Variants in RPS6KA3 observed in about 807,000 individuals in gnomAD.
The protein encoded by RPS6KA3 is ribosomal protein S6 kinase alpha-3.
RPS6KA3 carries 4 observed loss-of-function variants against 67.2 expected under a neutral mutation model. The ratio of observed to expected loss-of-function variants is 0.06; its 90% CI spans 0.03 to 0.14. The LOEUF (loss-of-function observed/expected upper bound fraction) is 0.14, where lower values mean the gene tolerates loss of function less well. RPS6KA3 is among the 10% of genes least tolerant of loss of function. The pLI, the probability that RPS6KA3 is intolerant of heterozygous loss-of-function variation, is 1.00. For synonymous variants in RPS6KA3, 182 were observed against 183.7 expected (o/e 0.99, Z 0.07); for missense variants, 204 against 559.0 (o/e 0.36, Z 6.40).
chrX:20,223,544 T>C (rs964597468), intron 2 of RPS6KA3, among the ~76,000 whole-genome samples: 1 of 112,161 alleles, frequency 8.9e-6, no homozygotes, highest in Non-Finnish European at 1.9e-5. Context: ...TGGTATACTG[T>C]TACACTTAGT....
At chrX:20,252,076 T>C (rs2069888797) in intron 1 of RPS6KA3, among the ~76,000 whole-genome samples, 1 of 112,429 alleles carries the variant, frequency 8.9e-6, no homozygotes, top group East Asian at 2.8e-4. Context: ...TTTCCTATCA[T>C]CTCCATTCTT....
chrX:20,160,974 T>A (rs967169305), intron 20 of RPS6KA3, among the ~76,000 whole-genome samples: 2 of 111,537 alleles, frequency 1.8e-5, no homozygotes, highest in South Asian at 3.7e-4. Flanking sequence ...ATTTTTTTTT[T>A]AAAGAATTCT....
At chrX:20,265,794 G>A (rs2070361255) in intron 1 of RPS6KA3, 1 of 110,298 alleles carries the variant, frequency 9.1e-6, no homozygotes, top group Non-Finnish European at 1.9e-5. Flanking sequence ...TTGGGCACTA[G>A]GATGGGTGAC....
At chrX:20,234,683 G>T in intron 2 of RPS6KA3, 75 bp downstream of exon 2, 2 of 734,784 alleles carry the variant, frequency 2.7e-6, no homozygotes, top group Non-Finnish European at 4.3e-6. Context: ...TGATTACTCT[G>T]CTCAGCTGAA....
At chrX:20,189,244 A>G (rs2068064577) in intron 7 of RPS6KA3, among the ~76,000 whole-genome samples, 1 of 111,601 alleles carries the variant, frequency 9.0e-6, no homozygotes, top group African/African-American at 3.3e-5. Context: ...TTCCCCAATA[A>G]ACTGTGAGCT....
intron 10 of RPS6KA3, among the ~76,000 whole-genome samples, chrX:20,179,642 C>G (rs1569208310): frequency 9.0e-6 from 1 of 111,122 alleles, no homozygotes; most frequent in Non-Finnish European, 1.9e-5. Context: ...GTAACTAGGG[C>G]TCTGACATTA....
chrX:20,215,967 GC>G (rs2068839062), intron 2 of RPS6KA3, among the ~76,000 whole-genome samples: 1 of 104,481 alleles, frequency 9.6e-6, no homozygotes, highest in African/African-American at 3.7e-5. Context: ...TGGTAAAGCA[GC>G]TATATTAATA....
At chrX:20,188,077 G>T (rs1325230698) in intron 8 of RPS6KA3, 107 bp from the exon 9 acceptor site, 18 of 764,976 alleles carry the variant, frequency 2.4e-5, no homozygotes, top group Admixed American at 2.0e-4. Flanking sequence ...AGTTTTTTTT[G>T]TTTGTTTGTT....
intron 1 of RPS6KA3, among the ~76,000 whole-genome samples, chrX:20,260,321 T>C (rs2070190311): frequency 8.9e-6 from 1 of 112,029 alleles, no homozygotes; most frequent in Admixed American, 9.4e-5. Flanking sequence ...ACTATTATTT[T>C]ATATATTGTT....
At chrX:20,188,364 C>T in intron 8 of RPS6KA3, 133 bp downstream of exon 8, 1 of 435,103 alleles carries the variant, frequency 2.3e-6, no homozygotes. Flanking sequence ...GGGTGAGCCA[C>T]TACGCCTGGC....
At chrX:20,193,794 T>C (rs1310379469) in intron 6 of RPS6KA3, among the ~76,000 whole-genome samples, 1 of 112,405 alleles carries the variant, frequency 8.9e-6, no homozygotes, top group Non-Finnish European at 1.9e-5. Flanking sequence ...AACTATGCAC[T>C]ATGGGAGAAA....
intron 1 of RPS6KA3, among the ~76,000 whole-genome samples, chrX:20,263,158 C>G (rs2070280276): frequency 9.0e-6 from 1 of 111,413 alleles, no homozygotes; most frequent in Non-Finnish European, 1.9e-5. Context: ...CAAAAATAAC[C>G]TCCATAATTT....
Position 20,155,291 on chromosome X carries a change from G to A in RPS6KA3, c.*107C>T. 1 of 897,854 alleles carries A rather than the reference G, an allele frequency of 1.1e-6. No homozygotes were observed. The highest frequency in any genetic ancestry group is 1.6e-6 in the Non-Finnish European group (1 of 610,325). The allele number at this position is 897,854 out of a possible 1,213,427, so 74.0% of individuals were successfully genotyped here. On this transcript the variant is annotated 3_prime_UTR_variant, in exon 22 of 22. Coordinates refer to ENST00000379565, the MANE Select transcript of RPS6KA3 (RefSeq NM_004586.3). ...AGGAACAGCAGCATTATGGGTACCA[G>A]CTGGGACAGTGTGTGCTTGCAGGTG...
At chrX:20,250,060 G>A (rs2069820382) in intron 1 of RPS6KA3, among the ~76,000 whole-genome samples, 1 of 112,291 alleles carries the variant, frequency 8.9e-6, no homozygotes, top group Non-Finnish European at 1.9e-5. Context: ...AAAATCAGTT[G>A]GCTGTACTTA....
At chrX:20,256,897 A>G (rs2070085773) in intron 1 of RPS6KA3, among the ~76,000 whole-genome samples, 1 of 111,646 alleles carries the variant, frequency 9.0e-6, no homozygotes, top group Non-Finnish European at 1.9e-5. Context: ...CACAATAGCT[A>G]CCCATGTAAA....
chrX:20,238,992 T>C (rs760259926), intron 1 of RPS6KA3, among the ~76,000 whole-genome samples: 1 of 111,629 alleles, frequency 9.0e-6, no homozygotes, highest in Non-Finnish European at 1.9e-5. Flanking sequence ...GTTTCCTAAG[T>C]TTAAGGAATA....
chrX:20,241,320 G>T (rs1319711253), intron 1 of RPS6KA3, among the ~76,000 whole-genome samples: 1 of 108,352 alleles, frequency 9.2e-6, no homozygotes, highest in Non-Finnish European at 1.9e-5. Context: ...TAAGAATAAA[G>T]AAATGAAAAC....
chrX:20,177,656 A>C (rs1488402323), intron 10 of RPS6KA3, among the ~76,000 whole-genome samples: 1 of 112,427 alleles, frequency 8.9e-6, no homozygotes, highest in Non-Finnish European at 1.9e-5. Flanking sequence ...GGGAAAGCCA[A>C]TTATTCTGGG....
intron 10 of RPS6KA3, among the ~76,000 whole-genome samples, chrX:20,181,234 C>A (rs748967619): frequency 9.0e-6 from 1 of 111,685 alleles, no homozygotes; most frequent in East Asian, 2.8e-4. Flanking sequence ...TATGTGTTCA[C>A]TGAATTATTC....
Sources: allele counts gnomAD v4.1 joint callset (sites outside exome capture counted in the v4.1 genomes callset), GRCh38; gene constraint gnomAD v4.1.1; transcripts MANE v1.5; gene names NCBI Gene and HGNC (gene_info 2026-07-23, HGNC 2026-07-21).